Variants in TTC6 observed in about 807,000 individuals in gnomAD.
TTC6 encodes tetratricopeptide repeat domain 6, also known as tetratricopeptide repeat protein 6.
TTC6 carries 172 observed loss-of-function variants against 210.4 expected under a neutral mutation model. The observed-to-expected ratio is 0.82, with a 90% CI of 0.72 to 0.93. The LOEUF is 0.93. Ranked by LOEUF, TTC6 falls within the 40% of genes least tolerant of loss-of-function variation. The pLI is 0.00. For missense variants in TTC6, 2,414 were observed against 2,318.1 expected (o/e 1.04, Z -0.85); for synonymous variants, 804 against 819.6 (o/e 0.98, Z 0.32).
Position 37,668,842 on chromosome 14 carries a change from T to G in TTC6, c.940-11309T>G, listed in dbSNP as rs570712447. ...CTGTTTATGAAAGGGATGATAAGGA[T>G]TCATTCCAGGTCATTGAGTCATGAG... On this transcript the variant is annotated intron_variant, in intron 1 of 30. Coordinates refer to ENST00000553443, the Ensembl canonical transcript of TTC6. Among the ~76,000 whole-genome samples, 376 of 152,318 alleles carry G rather than the reference T, an allele frequency of 2.5e-3. 2 individuals are homozygous for G. Among genetic ancestry groups the G allele is most frequent in the Non-Finnish European group, 3.2e-3 (219 of 68,030 alleles).
chr14:37,673,585 A>T (rs1264173749), intron 1 of TTC6, among the ~76,000 whole-genome samples: 4 of 152,134 alleles, frequency 2.6e-5, no homozygotes, highest in Non-Finnish European at 5.9e-5. Context: ...TGATTGAGAA[A>T]ATACTGGGCC....
Position 37,739,048 on chromosome 14 carries a change from C to A in TTC6, c.2256C>A (p.Tyr752Ter). 3.9e-6 allele frequency: 6 copies of A among 1,535,242 alleles called. No individual in the cohort carries two copies. Among genetic ancestry groups the A allele is most frequent in the East Asian group, 2.4e-5 (1 of 40,872 alleles). Reference sequence around the variant, plus strand: ...CGTCTAAAAAAGCTGGCATTAGTTACATTGTTTATCCCAAGAAAAAGAAGA... The same window carrying A: ...CGTCTAAAAAAGCTGGCATTAGTTAAATTGTTTATCCCAAGAAAAAGAAGA... The change falls in exon 10 of 31, where the codon TAC becomes TAA. Residue 752 changes from tyrosine to a stop codon, truncating the protein, a stop_gained. Coordinates refer to ENST00000553443, the Ensembl canonical transcript of TTC6. LOFTEE classifies it high-confidence loss of function.
intron 25 of TTC6, among the ~76,000 whole-genome samples, chr14:37,815,241 G>A (rs1952784): frequency 0.76 from 115,629 of 152,018 alleles, 44,537 homozygotes; most frequent in Non-Finnish European, 0.82. Context: ...AATAGAGACT[G>A]AAACAAACAA....
intron 25 of TTC6, among the ~76,000 whole-genome samples, chr14:37,814,492 C>T (rs1386891777): frequency 6.6e-6 from 1 of 152,018 alleles, no homozygotes; most frequent in Non-Finnish European, 1.5e-5. Context: ...ATGGAGGAAA[C>T]CAGCAGAAAA....
chr14:37,783,292 T>C (rs947854981), intron 14 of TTC6, among the ~76,000 whole-genome samples: 31 of 152,272 alleles, frequency 2.0e-4, no homozygotes, highest in African/African-American at 6.7e-4. Flanking sequence ...TTCTTAATTA[T>C]TGCCTCAATT....
intron 25 of TTC6, among the ~76,000 whole-genome samples, chr14:37,816,367 G>A (rs2096141867): frequency 6.6e-6 from 1 of 152,146 alleles, no homozygotes; most frequent in African/African-American, 2.4e-5. Context: ...GTGGAAGGGA[G>A]GAGGAGTGGG....
At chr14:37,818,656 T>A (rs925785308) in intron 26 of TTC6, among the ~76,000 whole-genome samples, 3 of 152,114 alleles carry the variant, frequency 2.0e-5, no homozygotes, top group African/African-American at 4.8e-5. Context: ...GTTTTTTTTT[T>A]AATTTTATGA....
intron 1 of TTC6, among the ~76,000 whole-genome samples, chr14:37,676,764 C>A (rs567862092): frequency 2.6e-5 from 4 of 152,012 alleles, no homozygotes; most frequent in African/African-American, 9.7e-5. Context: ...AGGGATCCAA[C>A]TTTATTTTTT....
At chr14:37,826,452 G>T (rs2096171865) in intron 28 of TTC6, 105 bp downstream of exon 30, 2 of 1,035,190 alleles carry the variant, frequency 1.9e-6, no homozygotes, top group East Asian at 5.6e-5. Flanking sequence ...GACTTATGGA[G>T]AAAATAATGT....
At chr14:37,606,818 C>T (rs1472302179) in intron 2 of TTC6, 76 bp downstream of exon 2, 1 of 974,680 alleles carries the variant, frequency 1.0e-6, no homozygotes, top group Non-Finnish European at 1.2e-6. Flanking sequence ...TCCCTGTCAC[C>T]ATCTTGGAGT....
exon 13 of TTC6, chr14:37,751,118 T>C: frequency 1.3e-6 from 2 of 1,532,454 alleles, no homozygotes; most frequent in Non-Finnish European, 1.7e-6. Context: ...AATTCTAAAC[T>C]ATACCCAGGC....
chr14:37,654,456 T>C (rs1285705767), intron 1 of TTC6, among the ~76,000 whole-genome samples: 1 of 152,060 alleles, frequency 6.6e-6, no homozygotes, highest in Admixed American at 6.5e-5. Context: ...GAATATGGCA[T>C]GGCTACTCCC....
At chr14:37,646,548 T>C (rs1010977948) in intron 1 of TTC6, among the ~76,000 whole-genome samples, 3 of 152,126 alleles carry the variant, frequency 2.0e-5, no homozygotes, top group Admixed American at 1.3e-4. Flanking sequence ...CAACAGGCCA[T>C]TCAAAATTAA....
At chr14:37,693,487 T>C (rs956956059) in intron 3 of TTC6, among the ~76,000 whole-genome samples, 1 of 151,952 alleles carries the variant, frequency 6.6e-6, no homozygotes, top group African/African-American at 2.4e-5. Flanking sequence ...AAAATACCAA[T>C]GACATTCTTC....
chr14:37,753,023 T>C, intron 13 of TTC6, 76 bp from the exon 16 acceptor site: 1 of 1,161,166 alleles, frequency 8.6e-7, no homozygotes, highest in Non-Finnish European at 1.1e-6. Context: ...AAACATAGTT[T>C]TAGATCACTT....
chr14:37,762,683 TTTAA>T (rs934784998), intron 14 of TTC6, among the ~76,000 whole-genome samples: 7 of 152,180 alleles, frequency 4.6e-5, no homozygotes, highest in African/African-American at 1.2e-4. Flanking sequence ...GCTTCTTCAC[TTTAA>T]TTGTTTCCTT....
At chr14:37,802,643 T>C (rs1259144593) in intron 20 of TTC6, among the ~76,000 whole-genome samples, 1 of 152,154 alleles carries the variant, frequency 6.6e-6, no homozygotes, top group Non-Finnish European at 1.5e-5. Flanking sequence ...ATTTGCTAAA[T>C]GTGTGGTAAT....
intron 24 of TTC6, among the ~76,000 whole-genome samples, 195 bp downstream of exon 26, chr14:37,809,041 A>G (rs2096124275): frequency 6.6e-6 from 1 of 152,190 alleles, no homozygotes; most frequent in Non-Finnish European, 1.5e-5. Context: ...TAGGAAATAC[A>G]CACATATAAA....
chr14:37,749,625 T>G, intron 11 of TTC6, 89 bp from the exon 14 acceptor site: 1 of 1,086,670 alleles, frequency 9.2e-7, no homozygotes, highest in Non-Finnish European at 1.2e-6. Context: ...ACAAAGCCAC[T>G]GGGATCAACC....
Sources: gnomAD v4.1 joint callset for allele counts (sites outside exome capture counted in the v4.1 genomes callset) on GRCh38, gnomAD v4.1.1 for gene constraint, MANE v1.5 for transcripts, NCBI Gene and HGNC (gene_info 2026-07-23, HGNC 2026-07-21) for gene names.